Variants in PDE8B observed in about 807,000 individuals in gnomAD.
The protein encoded by PDE8B is high affinity cAMP-specific and IBMX-insensitive 3',5'-cyclic phosphodiesterase 8B.
Under a neutral mutation model 101.3 loss-of-function variants are expected in PDE8B, and 26 were observed. That is an observed-to-expected ratio of 0.26 (90% confidence interval 0.19 to 0.36). The LOEUF (loss-of-function observed/expected upper bound fraction) is 0.36, where lower values mean the gene tolerates loss of function less well. Among genes scored for constraint, PDE8B ranks in the 10% least tolerant of loss-of-function variants. The pLI is 1.00. For synonymous variants in PDE8B, 424 were observed against 429.3 expected (o/e 0.99, Z 0.15); for missense variants, 810 against 1,163.1 (o/e 0.70, Z 4.42).
intron 19 of PDE8B, 145 bp downstream of exon 19, chr5:77,420,032 T>G: frequency 1.1e-6 from 1 of 919,184 alleles, no homozygotes. Flanking sequence ...ACTGGCCACT[T>G]GTTTTCCTTG....
intron 2 of PDE8B, among the ~76,000 whole-genome samples, chr5:77,324,381 C>T (rs139751001): frequency 8.0e-4 from 121 of 152,198 alleles, no homozygotes; most frequent in African/African-American, 2.7e-3. Context: ...CAAGCCAGGC[C>T]GAGCCCTCAC....
Position 77,353,432 on chromosome 5 carries a change from CTCTG to C in PDE8B, c.1167+32_1167+35del, listed in dbSNP as rs775586488. On this transcript the variant is annotated intron_variant, in intron 10 of 21. Coordinates refer to ENST00000264917, the MANE Select transcript of PDE8B (RefSeq NM_003719.5). Reference sequence around the variant, plus strand: ...GTATGGTATTAGCTCACTTCGTTTGCTCTGTCTGTTTGGCCATGCGTCACCTCTG... The same window carrying C: ...GTATGGTATTAGCTCACTTCGTTTGCTCTGTTTGGCCATGCGTCACCTCTG... The C allele has an allele frequency of 2.5e-5, 37 of 1,452,944 alleles. No homozygotes were observed. The South Asian group carries it at 2.7e-4, about 11-fold the overall frequency. The allele number at this position is 1,452,944 out of a possible 1,614,324, so 90.0% of individuals were successfully genotyped here.
chr5:77,293,574 C>G (rs551953802), intron 1 of PDE8B, among the ~76,000 whole-genome samples: 1 of 152,178 alleles, frequency 6.6e-6, no homozygotes, highest in African/African-American at 2.4e-5. Flanking sequence ...CAGAGAGTCT[C>G]AGTTCAAATC....
chr5:77,337,024 G>C (rs1434735550), intron 5 of PDE8B, among the ~76,000 whole-genome samples: 1 of 152,186 alleles, frequency 6.6e-6, no homozygotes, highest in Non-Finnish European at 1.5e-5. Context: ...GAAGTGAAGT[G>C]TACAGTATTA....
chr5:77,412,991 C>A (rs557714482), intron 16 of PDE8B, 120 bp from the exon 17 acceptor site: 20 of 837,788 alleles, frequency 2.4e-5, no homozygotes, highest in African/African-American at 2.3e-4. Context: ...TGCTTTTAAA[C>A]CCCTGTGTGT....
chr5:77,386,243 T>G (rs1395143130), intron 10 of PDE8B, among the ~76,000 whole-genome samples: 2 of 152,218 alleles, frequency 1.3e-5, no homozygotes, highest in African/African-American at 4.8e-5. Context: ...CTGAGAGGAA[T>G]GTATATTCTG....
At chr5:77,264,679 T>C (rs1228003089) in intron 1 of PDE8B, among the ~76,000 whole-genome samples, 1 of 152,190 alleles carries the variant, frequency 6.6e-6, no homozygotes, top group Non-Finnish European at 1.5e-5. Flanking sequence ...TATCCAATTT[T>C]ATTATAATAT....
chr5:77,193,550 A>G, the PDE8B span, among the ~76,000 whole-genome samples: 1 of 152,176 alleles, frequency 6.6e-6, no homozygotes, highest in East Asian at 1.9e-4. Flanking sequence ...CCTTATGCCA[A>G]TACCGCTCTG....
the PDE8B span, among the ~76,000 whole-genome samples, chr5:77,167,600 G>T: frequency 6.6e-6 from 1 of 152,278 alleles, no homozygotes; most frequent in East Asian, 1.9e-4. Context: ...GGGGCACGCG[G>T]CTGCTCCCTC....
chr5:77,319,904 C>T (rs1390403381), intron 2 of PDE8B, among the ~76,000 whole-genome samples: 1 of 152,144 alleles, frequency 6.6e-6, no homozygotes, highest in African/African-American at 2.4e-5. Context: ...AAGCACTGTC[C>T]AAACTACTCT....
At chr5:77,338,829 A>G (rs939851014) in intron 6 of PDE8B, among the ~76,000 whole-genome samples, 1 of 152,232 alleles carries the variant, frequency 6.6e-6, no homozygotes, top group African/African-American at 2.4e-5. Context: ...TGAACGGCGC[A>G]ACACCTCATT....
chr5:77,280,068 G>A (rs948622987), intron 1 of PDE8B, among the ~76,000 whole-genome samples: 1 of 152,190 alleles, frequency 6.6e-6, no homozygotes, highest in Non-Finnish European at 1.5e-5. Context: ...CATTGAGGAA[G>A]TGCAAATAAA....
rs532482101 is a variant in PDE8B at position 77,365,559 on chromosome 5, C to T, written c.1167+12153C>T. On this transcript the variant is annotated intron_variant, in intron 10 of 21. Coordinates refer to ENST00000264917, the MANE Select transcript of PDE8B (RefSeq NM_003719.5). ...TATATCTGTCTCCTAGGTCCTGGCA[C>T]ACAGAAAATATCTATTGAATAAATA... Among the ~76,000 whole-genome samples, 198 of 152,296 alleles carry T rather than the reference C, an allele frequency of 1.3e-3. 1 individual carries two copies. Among genetic ancestry groups the T allele is most frequent in the African/African-American group, 4.6e-3 (191 of 41,568 alleles).
chr5:77,189,340 GAGA>G, the PDE8B span, among the ~76,000 whole-genome samples: 1 of 152,224 alleles, frequency 6.6e-6, no homozygotes, highest in African/African-American at 2.4e-5. Context: ...AGGAGAGGAG[GAGA>G]AGGAGAGGAA....
chr5:77,283,424 C>T (rs2149868733), intron 1 of PDE8B, among the ~76,000 whole-genome samples: 1 of 152,248 alleles, frequency 6.6e-6, no homozygotes, highest in South Asian at 2.1e-4. Flanking sequence ...AGGTATACAC[C>T]ACTGTAGTAT....
chr5:77,297,623 A>T (rs1329613186), intron 1 of PDE8B, among the ~76,000 whole-genome samples: 1 of 152,116 alleles, frequency 6.6e-6, no homozygotes, highest in Non-Finnish European at 1.5e-5. Flanking sequence ...AACCAGAGTG[A>T]TCCAGCCAAC....
At chr5:77,319,469 T>C (rs969723628) in intron 2 of PDE8B, among the ~76,000 whole-genome samples, 7 of 152,096 alleles carry the variant, frequency 4.6e-5, no homozygotes, top group African/African-American at 1.7e-4. Context: ...CAAAAATAGA[T>C]CATTGAAAGA....
At chr5:77,409,666 G>T (rs1450210976) in intron 14 of PDE8B, among the ~76,000 whole-genome samples, 1 of 151,958 alleles carries the variant, frequency 6.6e-6, no homozygotes, top group Non-Finnish European at 1.5e-5. Flanking sequence ...CTGGTGTTTT[G>T]CTGTGATCTA....
chr5:77,128,461 A>C, the PDE8B span, among the ~76,000 whole-genome samples: 1 of 152,240 alleles, frequency 6.6e-6, no homozygotes, highest in East Asian at 1.9e-4. Flanking sequence ...GTAATTGCCC[A>C]CCTTTATGGG....
Sources: gnomAD v4.1 joint callset for allele counts (sites outside exome capture counted in the v4.1 genomes callset) on GRCh38, gnomAD v4.1.1 for gene constraint, MANE v1.5 for transcripts, NCBI Gene and HGNC (gene_info 2026-07-23, HGNC 2026-07-21) for gene names.